Variants in PIN4 observed in about 807,000 individuals in gnomAD.
PIN4 encodes the protein peptidyl-prolyl cis-trans isomerase NIMA-interacting 4.
PIN4 carries 3 observed loss-of-function variants against 8.3 expected under a neutral mutation model. The observed-to-expected ratio is 0.36, with a 90% CI of 0.16 to 0.93. The LOEUF (loss-of-function observed/expected upper bound fraction) is 0.93. PIN4 is among the 40% of genes least tolerant of loss of function. The pLI is 0.44. For missense variants in PIN4, 75 were observed against 100.6 expected, an observed-to-expected ratio of 0.75 and a Z score of 1.09; for synonymous variants, 18 against 32.5, an observed-to-expected ratio of 0.55 and a Z score of 1.52.
intron 3 of PIN4, among the ~76,000 whole-genome samples, chrX:72,252,153 A>T (rs1182883963): frequency 9.1e-6 from 1 of 110,431 alleles, no homozygotes; most frequent in Non-Finnish European, 1.9e-5. Flanking sequence ...TTAATAAAAA[A>T]AATTTTTTTT....
intron 3 of PIN4, among the ~76,000 whole-genome samples, chrX:72,214,069 T>G (rs752702535): frequency 8.9e-6 from 1 of 111,865 alleles, no homozygotes; most frequent in Admixed American, 9.5e-5. Context: ...CATAAAACAT[T>G]TGGATAACAT....
downstream of PIN4, among the ~76,000 whole-genome samples, chrX:72,200,999 A>C (rs1037801846): frequency 1.8e-5 from 2 of 111,750 alleles, no homozygotes; most frequent in African/African-American, 6.5e-5. Context: ...CAGGAATTCA[A>C]GACCAGCCTG....
Position 72,215,301 on chromosome X carries a change from T to C in PIN4, c.312+18397T>C, listed in dbSNP as rs144190536. 6.7e-3 allele frequency among the ~76,000 whole-genome samples: 745 copies of C among 111,968 alleles called. 34 individuals carry two copies. The East Asian group carries it at 0.14, about 22-fold the overall frequency. On this transcript the variant is annotated intron_variant, in intron 3 of 3. Coordinates refer to the PIN4 transcript ENST00000423432. Reference sequence around the variant, plus strand: ...AGTATTCTATATCCTGATAGGGGTTTGGGTTACACACGTGTATGCACTTGT... The same window carrying C: ...AGTATTCTATATCCTGATAGGGGTTCGGGTTACACACGTGTATGCACTTGT...
chrX:72,208,526 C>A (rs1315497088), intron 3 of PIN4: 11 of 1,210,176 alleles, frequency 9.1e-6, no homozygotes, highest in Non-Finnish European at 1.1e-5. Flanking sequence ...GAGTTGCACA[C>A]ATCTGTAAAT....
chrX:72,239,925 T>G (rs2147610441), intron 3 of PIN4, among the ~76,000 whole-genome samples: 1 of 108,895 alleles, frequency 9.2e-6, no homozygotes, highest in East Asian at 2.9e-4. Flanking sequence ...TAAAAAAAAT[T>G]TTTTTCTTCT....
At chrX:72,251,353 ACT>A (rs1440382016) in intron 3 of PIN4, among the ~76,000 whole-genome samples, 2 of 80,076 alleles carry the variant, frequency 2.5e-5, no homozygotes, top group Non-Finnish European at 5.6e-5. Context: ...ACACAGCGAG[ACT>A]CTGTCTCAAA....
chrX:72,207,332 T>C (rs1460133986), intron 3 of PIN4: 1 of 1,210,978 alleles, frequency 8.3e-7, no homozygotes, highest in Admixed American at 2.2e-5. Context: ...AACACCAGAG[T>C]TTGATGTCCC....
intron 3 of PIN4, among the ~76,000 whole-genome samples, chrX:72,253,353 C>T (rs750527863): frequency 1.1e-4 from 12 of 112,426 alleles, no homozygotes; most frequent in East Asian, 2.8e-4. Context: ...AGGCCGGGCA[C>T]GGTGGCTCAC....
chrX:72,244,875 G>C (rs767509217), intron 3 of PIN4, among the ~76,000 whole-genome samples: 1 of 108,201 alleles, frequency 9.2e-6, no homozygotes, highest in Non-Finnish European at 1.9e-5. Flanking sequence ...GAGCCCAGGA[G>C]TTTGAGACCA....
chrX:72,188,108 G>C (rs189897914), intron 2 of PIN4, among the ~76,000 whole-genome samples: 5 of 111,420 alleles, frequency 4.5e-5, no homozygotes, highest in Non-Finnish European at 3.8e-5. Flanking sequence ...GTGGGGTTCT[G>C]GTATCCAAAG....
At chrX:72,251,971 C>T (rs1328855909) in intron 3 of PIN4, among the ~76,000 whole-genome samples, 5 of 111,014 alleles carry the variant, frequency 4.5e-5, no homozygotes, top group Non-Finnish European at 9.4e-5. Flanking sequence ...AAAAAACAAA[C>T]GAACATTTAT....
intron 2 of PIN4, 97 bp from the exon 3 acceptor site, chrX:72,196,688 T>C: frequency 2.7e-6 from 2 of 733,624 alleles, no homozygotes; most frequent in South Asian, 6.7e-5. Flanking sequence ...TAATGTGTTT[T>C]TTTTTTAACT....
intron 3 of PIN4, chrX:72,208,649 C>T (rs2042835114): frequency 8.3e-7 from 1 of 1,210,553 alleles, no homozygotes; most frequent in Non-Finnish European, 1.1e-6. Flanking sequence ...AGTTTAAATG[C>T]TTCTTCCAGG....
rs1164882682 is a variant in PIN4 at position 72,192,073 on chromosome X, TC to T, written c.118-4709del. Among the ~76,000 whole-genome samples the T allele has an allele frequency of 7.2e-5, 8 of 110,923 alleles. 1 individual carries two copies. Among genetic ancestry groups the T allele is most frequent in the African/African-American group, 2.3e-4 (7 of 30,422 alleles). On this transcript the variant is annotated intron_variant, in intron 2 of 3. Transcript: ENST00000373669. ...TTCAAGCGATTCTCCTGCTTCAGCC[TC>T]CCGAGTAGCTGGGATTACAGGCATC...
intron 2 of PIN4, among the ~76,000 whole-genome samples, chrX:72,188,761 C>T (rs1051330638): frequency 1.8e-5 from 2 of 111,445 alleles, no homozygotes; most frequent in African/African-American, 3.3e-5. Flanking sequence ...TGGCCTCAAG[C>T]GATCCTCCCG....
intron 3 of PIN4, among the ~76,000 whole-genome samples, chrX:72,240,233 TAC>T (rs1273756980): frequency 2.7e-5 from 3 of 111,667 alleles, no homozygotes; most frequent in Non-Finnish European, 5.6e-5. Context: ...CCAACTAAGA[TAC>T]AGTCATTTTC....
intron 1 of PIN4, 95 bp from the exon 2 acceptor site, chrX:72,186,366 G>A (rs759267036): frequency 4.9e-6 from 3 of 609,643 alleles, no homozygotes; most frequent in African/African-American, 2.3e-5. Context: ...GAAGTGTGGC[G>A]TTATGATGGA....
At chrX:72,257,229 G>A (rs950400005) in intron 3 of PIN4, among the ~76,000 whole-genome samples, 1 of 112,042 alleles carries the variant, frequency 8.9e-6, no homozygotes, top group Non-Finnish European at 1.9e-5. Context: ...GCTGAGGCAG[G>A]AGAATGGTTT....
chrX:72,224,704 C>T (rs753495829), intron 3 of PIN4, among the ~76,000 whole-genome samples: 15 of 111,443 alleles, frequency 1.3e-4, no homozygotes, highest in Admixed American at 3.8e-4. Flanking sequence ...AAGATCACGC[C>T]ATTGTACTCC....
Sources: gnomAD v4.1 joint callset for allele counts (sites outside exome capture counted in the v4.1 genomes callset) on GRCh38, gnomAD v4.1.1 for gene constraint, MANE v1.5 for transcripts, NCBI Gene and HGNC (gene_info 2026-07-23, HGNC 2026-07-21) for gene names.